ARFGEF1: variants seen among roughly 807,000 people sequenced by gnomAD.
ARFGEF1 encodes brefeldin A-inhibited guanine nucleotide-exchange protein 1.
ARFGEF1 carries 42 observed loss-of-function variants against 231.0 expected under a neutral mutation model. That is an observed-to-expected ratio of 0.18 (90% CI 0.14 to 0.24). The LOEUF is 0.24. Ranked by LOEUF, ARFGEF1 falls within the 10% of genes least tolerant of loss-of-function variation. The probability of loss-of-function intolerance (pLI) is 1.00; values close to 1 mark genes in which losing one functional copy is unlikely to be tolerated. For missense variants in ARFGEF1, 1,345 were observed against 2,192.0 expected (o/e 0.61, Z 7.72); for synonymous variants, 710 against 732.3 (o/e 0.97, Z 0.49).
chr8:67,246,135 A>G (rs1377942939), intron 19 of ARFGEF1, among the ~76,000 whole-genome samples: 1 of 150,346 alleles, frequency 6.7e-6, no homozygotes, highest in African/African-American at 2.5e-5. Context: ...TATTAGAGCT[A>G]AAGACAGAGA....
intron 36 of ARFGEF1, 159 bp from the exon 37 acceptor site, chr8:67,201,764 C>A: frequency 1.1e-6 from 1 of 924,440 alleles, no homozygotes; most frequent in Non-Finnish European, 1.6e-6. Flanking sequence ...ATTTCCATGT[C>A]CAGAATTCCC....
intron 1 of ARFGEF1, 45 bp downstream of exon 1, chr8:67,343,119 G>T: frequency 1.9e-5 from 4 of 205,286 alleles, no homozygotes; most frequent in Non-Finnish European, 2.7e-5. Context: ...CCCCCTCCCC[G>T]CCCCACAACA....
chr8:67,306,080 C>CT (rs1328271112), intron 1 of ARFGEF1, among the ~76,000 whole-genome samples: 1 of 152,180 alleles, frequency 6.6e-6, no homozygotes, highest in Non-Finnish European at 1.5e-5. Flanking sequence ...GAACTTTCAC[C>CT]TTTTCACCTA....
At chr8:67,305,924 T>C (rs966847989) in intron 1 of ARFGEF1, among the ~76,000 whole-genome samples, 1 of 152,218 alleles carries the variant, frequency 6.6e-6, no homozygotes, top group East Asian at 1.9e-4. Context: ...ACTTATCATA[T>C]ACTATGGCCG....
chr8:67,261,750 C>T (rs1410730753), intron 14 of ARFGEF1, among the ~76,000 whole-genome samples: 1 of 152,164 alleles, frequency 6.6e-6, no homozygotes, highest in Non-Finnish European at 1.5e-5. Flanking sequence ...AAATGATCCT[C>T]CCACCTTGGC....
chr8:67,217,801 T>G lies in ARFGEF1; in HGVS notation c.4594A>C (p.Lys1532Gln), dbSNP rs761463781. 4 of 1,613,838 alleles carry G rather than the reference T, an allele frequency of 2.5e-6. No individual in the cohort carries two copies. Among genetic ancestry groups the G allele is most frequent in the Non-Finnish European group, 8.5e-7 (1 of 1,179,912 alleles). The stretch of plus-strand genomic sequence containing the variant: ...TCTTACGCATGTGGGATTGTGGTTT[T>G]GAAGATATCCAGTGTGCAGTTGCAA... ...KTCNCTLDIF[K>Q]TTIPHALLTW... The change falls in exon 32 of 39, where the codon AAA becomes CAA. Residue 1532 changes from lysine to glutamine, a missense_variant. Physicochemically the swap from Lys to Gln is moderately conservative, Grantham distance 53. Around this residue, in one of 14 missense-constraint regions of ARFGEF1, gnomAD observed 54 missense variants for 86.5 expected, o/e 0.62. Coordinates refer to ENST00000262215, the MANE Select transcript of ARFGEF1 (RefSeq NM_006421.5).
rs546721476 is a variant in ARFGEF1 at position 67,254,825 on chromosome 8, T to A, written c.2527-1203A>T. Among the ~76,000 whole-genome samples, 4 of 152,262 alleles carry A rather than the reference T, an allele frequency of 2.6e-5. No individual in the cohort carries two copies. The East Asian group carries it at 7.7e-4, about 29-fold the overall frequency. ...ATGTAAAAATATTACCATGAAAGTT[T>A]TCAAGTGTTTAACGTATCATTTAAT... is the stretch of plus-strand genomic sequence containing the variant. On this transcript the variant is annotated intron_variant, in intron 17 of 38. Transcript: ENST00000262215.
chr8:67,314,423 C>T (rs1455010416), intron 1 of ARFGEF1, among the ~76,000 whole-genome samples: 1 of 152,128 alleles, frequency 6.6e-6, no homozygotes, highest in Non-Finnish European at 1.5e-5. Context: ...GCTTGGGGAC[C>T]CAGCAAGCTC....
At chr8:67,305,881 A>G (rs1806719715) in intron 1 of ARFGEF1, among the ~76,000 whole-genome samples, 1 of 152,200 alleles carries the variant, frequency 6.6e-6, no homozygotes, top group Non-Finnish European at 1.5e-5. Context: ...GTCTTTCATG[A>G]CAAATTTAAT....
Position 67,236,365 on chromosome 8 carries a change from AATATATATATATATATATATAT to A in ARFGEF1, c.3289+1956_3289+1977del, listed in dbSNP as rs34297561. On this transcript the variant is annotated intron_variant, in intron 22 of 38. Transcript: ENST00000262215. ...GATATTAGTTAAAAAAAAAAAAAAAAATATATATATATATATATATATATATATATATATATATATATATATG... is the reference window on the plus strand; with the variant it reads ...GATATTAGTTAAAAAAAAAAAAAAAAATATATATATATATATATATATATG... Among the ~76,000 whole-genome samples the A allele has an allele frequency of 1.5e-3, 45 of 29,074 alleles. 1 individual carries two copies. The highest frequency in any genetic ancestry group is 2.1e-3 in the Non-Finnish European group (35 of 16,860). 19.1% of individuals were successfully genotyped at this position (29,074 alleles called of 152,430 possible).
intron 1 of ARFGEF1, among the ~76,000 whole-genome samples, chr8:67,337,627 G>A (rs1471300586): frequency 6.7e-6 from 1 of 149,596 alleles, no homozygotes; most frequent in Non-Finnish European, 1.5e-5. Flanking sequence ...AACACACCAA[G>A]CACACATCCA....
chr8:67,286,428 G>T (rs556144605), intron 7 of ARFGEF1, among the ~76,000 whole-genome samples: 1 of 152,164 alleles, frequency 6.6e-6, no homozygotes, highest in South Asian at 2.1e-4. Flanking sequence ...TTTTATAAAG[G>T]GTCAGATGAT....
chr8:67,301,072 ATC>A (rs1806466303), intron 3 of ARFGEF1, 150 bp downstream of exon 3: 1 of 652,202 alleles, frequency 1.5e-6, no homozygotes, highest in East Asian at 3.0e-5. Flanking sequence ...AACTATTATT[ATC>A]TGTCTTAAAT....
chr8:67,195,387 G>A (rs1441840713), downstream of ARFGEF1: 11 of 1,613,152 alleles, frequency 6.8e-6, no homozygotes, highest in African/African-American at 1.3e-5. Flanking sequence ...TGTAGATGAT[G>A]AGAGTTCACT....
At chr8:67,199,384 C>A in intron 38 of ARFGEF1, 1 of 275,968 alleles carries the variant, frequency 3.6e-6, no homozygotes, top group Non-Finnish European at 6.7e-6. Context: ...AAGCAGCAGG[C>A]AAGTGAGTAC....
intron 5 of ARFGEF1, among the ~76,000 whole-genome samples, chr8:67,293,436 A>G (rs1262895505): frequency 2.6e-5 from 4 of 152,172 alleles, no homozygotes; most frequent in Non-Finnish European, 5.9e-5. Context: ...AAAAGTGACA[A>G]AAATATTTTA....
rs367961662 is a variant in ARFGEF1 at position 67,198,688 on chromosome 8, C to T, written c.*246G>A. On this transcript the variant is annotated 3_prime_UTR_variant, in exon 39 of 39. Coordinates refer to ENST00000262215, the MANE Select transcript of ARFGEF1 (RefSeq NM_006421.5). ...CTGCCGTGGAAGACAGGGAAGGACCCGTGAGCATGAGCTGACACTGTTTAA... is the reference window on the plus strand; with the variant it reads ...CTGCCGTGGAAGACAGGGAAGGACCTGTGAGCATGAGCTGACACTGTTTAA... 2.5e-6 allele frequency: 3 copies of T among 1,213,596 alleles called. No homozygotes were observed. Among genetic ancestry groups the T allele is most frequent in the African/African-American group, 1.6e-5 (1 of 62,148 alleles). 75.2% of individuals were successfully genotyped at this position (1,213,596 alleles called of 1,614,324 possible). A position where few individuals can be genotyped will look rare whatever the true frequency, so the allele number is the denominator to read the frequency against.
chr8:67,327,380 C>T (rs955529083), intron 1 of ARFGEF1, among the ~76,000 whole-genome samples: 5 of 146,514 alleles, frequency 3.4e-5, no homozygotes, highest in East Asian at 2.0e-4. Flanking sequence ...TGCAATGGTG[C>T]GATCTCGGCT....
At chr8:67,210,501 A>C (rs1838695026) in intron 34 of ARFGEF1, among the ~76,000 whole-genome samples, 1 of 151,810 alleles carries the variant, frequency 6.6e-6, no homozygotes, top group Non-Finnish European at 1.5e-5. Flanking sequence ...ACAACAACAA[A>C]AACAAGTGGG....
Sources: allele counts gnomAD v4.1 joint callset (sites outside exome capture counted in the v4.1 genomes callset), GRCh38; gene constraint gnomAD v4.1.1; regional missense constraint gnomAD v4.1.1; transcripts MANE v1.5; gene names NCBI Gene and HGNC (gene_info 2026-07-23, HGNC 2026-07-21).